SI: variants seen among roughly 807,000 people sequenced by gnomAD.
SI encodes the protein sucrase-isomaltase, intestinal.
In SI, 235 loss-of-function variants were observed where a neutral mutation model predicts 253.3. The observed-to-expected ratio is 0.93, with a 90% CI of 0.83 to 1.03. SI has a LOEUF of 1.03. Among genes scored for constraint, SI ranks in the 50% least tolerant of loss-of-function variants. The pLI, the probability that SI is intolerant of heterozygous loss-of-function variation, is 0.00. For missense variants in SI, 2,442 were observed against 2,211.1 expected (o/e 1.10, Z -2.09); for synonymous variants, 819 against 712.0 (o/e 1.15, Z -2.39).
At chr3:165,018,378 CAT>C (rs1460799930) in intron 28 of SI, among the ~76,000 whole-genome samples, 1 of 150,672 alleles carries the variant, frequency 6.6e-6, no homozygotes, top group Non-Finnish European at 1.5e-5. Context: ...CATTAAATGA[CAT>C]AGAATACTAT....
rs1391228690 is a variant in SI, at chr3:165,041,056, C to T, written c.2043G>A (p.Leu681=). ...DPAFFGQNSL[L]VKSSRQYLTI... is the part of the protein sequence containing the mutation. ...TTAAATACTGCCTTGATGATTTAAC[C>T]AAAAGTGAATTCTGCCCAAAAAATG... The change falls in exon 18 of 48, where the codon TTG becomes TTA. Residue 681 remains leucine, a synonymous_variant. Transcript: ENST00000264382. The T allele has an allele frequency of 6.2e-7, 1 of 1,612,468 alleles. No homozygotes were observed. The highest frequency in any genetic ancestry group is 1.3e-5 in the African/African-American group (1 of 74,886).
intron 47 of SI, among the ~76,000 whole-genome samples, chr3:164,981,596 T>TA (rs1339558927): frequency 2.6e-5 from 4 of 152,126 alleles, no homozygotes; most frequent in African/African-American, 9.6e-5. Flanking sequence ...AATGAACACC[T>TA]AAAACAGTTA....
chr3:165,043,379 T>C (rs973428362), intron 16 of SI, among the ~76,000 whole-genome samples: 6 of 152,056 alleles, frequency 3.9e-5, no homozygotes, highest in Non-Finnish European at 8.8e-5. Flanking sequence ...CTTTCCTTCA[T>C]TGTCCCTTTA....
chr3:165,042,087 C>G (rs1712863527), intron 17 of SI, among the ~76,000 whole-genome samples: 1 of 151,998 alleles, frequency 6.6e-6, no homozygotes, highest in Non-Finnish European at 1.5e-5. Flanking sequence ...TGCCCACTCC[C>G]TTTGTCATTC....
At chr3:164,989,469 AGAG>A (rs753319862) in intron 44 of SI, among the ~76,000 whole-genome samples, 2 of 151,792 alleles carry the variant, frequency 1.3e-5, no homozygotes, top group Non-Finnish European at 2.9e-5. Flanking sequence ...AGAGGAGAAG[AGAG>A]GAGAAGAGAA....
chr3:165,009,151 G>A (rs1718653236), intron 35 of SI, 128 bp downstream of exon 35: 1 of 675,024 alleles, frequency 1.5e-6, no homozygotes, highest in Non-Finnish European at 2.6e-6. Flanking sequence ...AGAAAGTTCT[G>A]TGGGGGAAAA....
At chr3:165,017,335 G>C (rs2108174478) in intron 31 of SI, among the ~76,000 whole-genome samples, 1 of 151,976 alleles carries the variant, frequency 6.6e-6, no homozygotes, top group Admixed American at 6.6e-5. Flanking sequence ...GATAGTATTA[G>C]GGAGGGAAAA....
intron 17 of SI, among the ~76,000 whole-genome samples, chr3:165,042,667 C>A (rs1428199835): frequency 6.6e-6 from 1 of 152,084 alleles, no homozygotes; most frequent in Non-Finnish European, 1.5e-5. Context: ...TAAACACAAA[C>A]TCAAAATCCA....
In SI at chr3:164,988,815, C is replaced by A. The variant is rs1242647569; in HGVS notation, c.5109-1589G>T. The stretch of plus-strand genomic sequence containing the variant: ...CCTATGTCAGTCTGAGAAGACAGAG[C>A]AGATCCATTGTCCCTGGTAAATTGG... On this transcript the variant is annotated intron_variant, in intron 44 of 47. Transcript: ENST00000264382. Among the ~76,000 whole-genome samples the A allele has an allele frequency of 2.6e-5, 4 of 152,116 alleles. No individual in the cohort carries two copies. The East Asian group carries it at 7.7e-4, about 29-fold the overall frequency.
At position 165,017,773 on chromosome 3, in the gene SI, C is replaced by G; in HGVS notation, c.3621G>C (p.Lys1207Asn). 6.2e-7 allele frequency: 1 copy of G among 1,611,918 alleles called. No homozygotes were observed. The highest frequency in any genetic ancestry group is 1.1e-5 in the South Asian group (1 of 90,986). The change falls in exon 30 of 48, where the codon AAG becomes AAC. Residue 1207 changes from lysine (K) to asparagine (N), a missense_variant. Coordinates refer to ENST00000264382, the MANE Select transcript of SI (RefSeq NM_001041.4). ...FLGPTPEVATKQYHEVIGHPV... is the reference protein window; with the variant it reads ...FLGPTPEVATNQYHEVIGHPV... ...TATGCAATCATACTTCATGGTATTGCTTTGTTGCAACTTCTGGAGTTGGGC... is the reference window on the plus strand; with the variant it reads ...TATGCAATCATACTTCATGGTATTGGTTTGTTGCAACTTCTGGAGTTGGGC...
intron 44 of SI, among the ~76,000 whole-genome samples, chr3:164,989,252 G>C (rs1717589977): frequency 6.6e-6 from 1 of 151,242 alleles, no homozygotes; most frequent in Non-Finnish European, 1.5e-5. Flanking sequence ...GGCTGTGGCA[G>C]GGGAATCGCT....
chr3:165,088,938 A>C, the SI span, among the ~76,000 whole-genome samples: 1 of 152,022 alleles, frequency 6.6e-6, no homozygotes, highest in Non-Finnish European at 1.5e-5. Context: ...TGATAATTAA[A>C]TTTTAGGTAA....
chr3:164,989,916 G>A (rs944214310), intron 44 of SI, among the ~76,000 whole-genome samples: 4 of 152,108 alleles, frequency 2.6e-5, no homozygotes, highest in African/African-American at 9.7e-5. Flanking sequence ...TGGTTGCCAC[G>A]GGTTGAAAGA....
At chr3:164,983,902 A>C (rs2108111267) in intron 45 of SI, among the ~76,000 whole-genome samples, 1 of 152,148 alleles carries the variant, frequency 6.6e-6, no homozygotes. Flanking sequence ...TTAAAGTATA[A>C]TCTTGCCATA....
intron 38 of SI, 97 bp downstream of exon 38, chr3:164,998,443 A>G (rs981272434): frequency 6.0e-6 from 8 of 1,327,170 alleles, no homozygotes; most frequent in Non-Finnish European, 8.7e-6. Flanking sequence ...GAAGAACAAA[A>G]TTCTGAGGAC....
intron 45 of SI, among the ~76,000 whole-genome samples, chr3:164,983,617 T>C (rs549945709): frequency 6.6e-6 from 1 of 152,216 alleles, no homozygotes; most frequent in African/African-American, 2.4e-5. Flanking sequence ...TAAGACAAAG[T>C]CTGGCTCTAT....
the SI span, among the ~76,000 whole-genome samples, chr3:165,086,033 C>T: frequency 6.6e-6 from 1 of 152,006 alleles, no homozygotes; most frequent in African/African-American, 2.4e-5. Flanking sequence ...GTGGGTGGAT[C>T]ACTTGAGGTC....
In SI at chr3:164,998,608, C is replaced by T. The variant is rs769141131; in HGVS notation, c.4472G>A (p.Gly1491Glu). Residue 1491 changes from glycine (G) to glutamate (E), a missense_variant, in exon 38 of 48, where the codon GGA (glycine) becomes GAA (glutamate). By Grantham distance (98) the Gly-to-Glu change is moderately conservative. Transcript: ENST00000264382. The stretch of plus-strand genomic sequence containing the variant: ...TCCAAGCCAGTGTCCTCCCCATCGT[C>T]CACTAGTAGGATACGTGGAACGAGA... ...VISRSTYPTS[G>E]RWGGHWLGDN... is the part of the protein sequence containing the mutation. 1.2e-5 allele frequency: 20 copies of T among 1,611,668 alleles called. No individual in the cohort carries two copies. Among genetic ancestry groups the T allele is most frequent in the Admixed American group, 1.7e-5 (1 of 59,756 alleles).
At chr3:165,080,336 A>G (rs1346177479), upstream of SI, among the ~76,000 whole-genome samples, 1 of 151,978 alleles carries the variant, frequency 6.6e-6, no homozygotes, top group Non-Finnish European at 1.5e-5. Flanking sequence ...GTCAAGTTTT[A>G]ACTAGTCCTC....
Sources: gnomAD v4.1 joint callset for allele counts (sites outside exome capture counted in the v4.1 genomes callset) on GRCh38, gnomAD v4.1.1 for gene constraint, MANE v1.5 for transcripts, NCBI Gene and HGNC (gene_info 2026-07-23, HGNC 2026-07-21) for gene names.